PCSK6: variants seen among roughly 807,000 people sequenced by gnomAD.
PCSK6 encodes the protein proprotein convertase subtilisin/kexin type 6.
PCSK6 carries 85 observed loss-of-function variants against 123.3 expected under a neutral mutation model. That is an observed-to-expected ratio of 0.69 (90% CI 0.58 to 0.83). The LOEUF (loss-of-function observed/expected upper bound fraction) is 0.83, where lower values mean the gene tolerates loss of function less well. Ranked by LOEUF, PCSK6 falls within the 40% of genes least tolerant of loss-of-function variation. The pLI, the probability that PCSK6 is intolerant of heterozygous loss-of-function variation, is 0.00. For missense variants in PCSK6, 1,191 were observed against 1,282.3 expected (o/e 0.93, Z 1.09); for synonymous variants, 508 against 516.0 (o/e 0.98, Z 0.21).
chr15:101,409,072 T>C (rs9672469), intron 6 of PCSK6, among the ~76,000 whole-genome samples: 72,699 of 152,036 alleles, frequency 0.48, 18,770 homozygotes, highest in African/African-American at 0.68. Context: ...GAGGGCTCCC[T>C]GCGGTCTCCA....
intron 11 of PCSK6, among the ~76,000 whole-genome samples, chr15:101,374,392 G>A (rs1236514644): frequency 1.3e-5 from 2 of 152,200 alleles, no homozygotes; most frequent in East Asian, 1.9e-4. Context: ...GAAACCCTCC[G>A]CCTCAAGCTC....
chr15:101,368,257 G>A (rs12594518), intron 12 of PCSK6, among the ~76,000 whole-genome samples: 1 of 152,212 alleles, frequency 6.6e-6, no homozygotes, highest in East Asian at 1.9e-4. Flanking sequence ...AAAGTTTCCA[G>A]GGAAGGGAAA....
intron 1 of PCSK6, chr15:101,463,169 G>GGGGC: frequency 2.2e-6 from 1 of 454,286 alleles, no homozygotes; most frequent in Non-Finnish European, 4.4e-6. Context: ...ATCACACACA[G>GGGGC]GGGCCTTCTG....
rs2041377706 is a variant in PCSK6, at chr15:101,366,066, CTGTTA to C, written c.1858+125_1858+129del. 1.1e-5 allele frequency: 11 copies of C among 979,244 alleles called. No individual in the cohort carries two copies. In the East Asian group the frequency reaches 3.0e-4, roughly 27 times the overall value. The allele number at this position is 979,244 out of a possible 1,614,324, so 60.7% of individuals were successfully genotyped here. A position where few individuals can be genotyped will look rare whatever the true frequency, so the allele number is the denominator to read the frequency against. ...AAAAATAATTAAAATGGTGAATTTTCTGTTATGGGAATTCTACCTCTAAAACACAA... is the reference window on the plus strand; with the variant it reads ...AAAAATAATTAAAATGGTGAATTTTCTGGGAATTCTACCTCTAAAACACAA... On this transcript the variant is annotated intron_variant, in intron 13 of 21. Coordinates refer to ENST00000611716, the MANE Select transcript of PCSK6 (RefSeq NM_002570.5).
At chr15:101,419,034 A>G (rs563735493) in intron 6 of PCSK6, among the ~76,000 whole-genome samples, 2 of 152,362 alleles carry the variant, frequency 1.3e-5, no homozygotes, top group East Asian at 1.9e-4. Flanking sequence ...GTATTCCTGT[A>G]TAAGTCAGAA....
At chr15:101,404,575 G>A (rs923718433) in intron 6 of PCSK6, among the ~76,000 whole-genome samples, 7 of 152,196 alleles carry the variant, frequency 4.6e-5, no homozygotes, top group Admixed American at 1.3e-4. Flanking sequence ...TCACGGTAGG[G>A]GAAGAGAGTG....
At chr15:101,415,638 C>T (rs932888967) in intron 6 of PCSK6, among the ~76,000 whole-genome samples, 1 of 152,170 alleles carries the variant, frequency 6.6e-6, no homozygotes. Context: ...TATGGTTTGG[C>T]TGTGTCCCCA....
rs1196607970 is a variant in PCSK6 at position 101,398,762 on chromosome 15, C to A, written c.824-186G>T. Among the ~76,000 whole-genome samples, 4 of 152,286 alleles carry A rather than the reference C, an allele frequency of 2.6e-5. No individual in the cohort carries two copies. Among genetic ancestry groups the A allele is most frequent in the African/African-American group, 7.2e-5 (3 of 41,542 alleles). On this transcript the variant is annotated intron_variant, in intron 6 of 21. Coordinates refer to ENST00000611716, the MANE Select transcript of PCSK6 (RefSeq NM_002570.5). The surrounding 1 kb of genome is among the most constrained non-coding windows in gnomAD (Gnocchi z 4.6). ...GCTGGCTGATGTGAAAGAACTCAGG[C>A]CAGGGCAACAAAAGAAAGCAAGCTA...
At chr15:101,409,022 CG>C (rs2042860628) in intron 6 of PCSK6, among the ~76,000 whole-genome samples, 1 of 152,192 alleles carries the variant, frequency 6.6e-6, no homozygotes, top group South Asian at 2.1e-4. Flanking sequence ...CACCTATATC[CG>C]GGGGCCGGAG....
Position 101,352,137 on chromosome 15 carries a change from AT to A in PCSK6, c.1858+14058del, listed in dbSNP as rs56844456. Among the ~76,000 whole-genome samples, 768 of 97,002 alleles carry A rather than the reference AT, an allele frequency of 7.9e-3. 14 individuals are homozygous for A. Among genetic ancestry groups the A allele is most frequent in the African/African-American group, 0.03 (677 of 22,892 alleles). 63.6% of individuals were successfully genotyped at this position (97,002 alleles called of 152,430 possible). On this transcript the variant is annotated intron_variant, in intron 13 of 21. Transcript: ENST00000611716. ...AAAATATTTTATAAATATTTTTCTA[AT>A]TTTTTTTTTTTTTTTTTTTTTTTTT...
chr15:101,476,981 G>C (rs113252401), intron 1 of PCSK6, among the ~76,000 whole-genome samples: 1 of 152,104 alleles, frequency 6.6e-6, no homozygotes, highest in East Asian at 1.9e-4. Context: ...GGGAAGCAGC[G>C]CAGTGGCAGA....
chr15:101,305,473 C>T lies in PCSK6; in HGVS notation c.2813-118G>A, dbSNP rs781449780. 136 of 770,874 alleles carry T rather than the reference C, an allele frequency of 1.8e-4. No homozygotes were observed. The highest frequency in any genetic ancestry group is 2.4e-4 in the Non-Finnish European group (110 of 460,726). 47.8% of individuals were successfully genotyped at this position (770,874 alleles called of 1,614,324 possible). On this transcript the variant is annotated intron_variant, in intron 21 of 21. Coordinates refer to ENST00000611716, the MANE Select transcript of PCSK6 (RefSeq NM_002570.5). The surrounding 1 kb of genome is among the most constrained non-coding windows in gnomAD (Gnocchi z 4.8). ...CTGTAATCCCAGCACTTTGGGAGGCCGAGGTGGGTGGATCACCTGAGGTCA... is the reference window on the plus strand; with the variant it reads ...CTGTAATCCCAGCACTTTGGGAGGCTGAGGTGGGTGGATCACCTGAGGTCA...
At chr15:101,310,018 T>C (rs2039818873) in intron 20 of PCSK6, among the ~76,000 whole-genome samples, 1 of 152,230 alleles carries the variant, frequency 6.6e-6, no homozygotes, top group Non-Finnish European at 1.5e-5. Flanking sequence ...ACATGCTCCC[T>C]CGGAGCTGCC....
rs775183255 is a variant in PCSK6, at chr15:101,318,356, T to C, written c.2532A>G (p.Arg844=). ...PGTYFDSELI[R]CGECHHTCGT... ...CGCAGGTGTGATGGCATTCCCCACA[T>C]CTGATCAGCTCTGAGTCAAAGTAGG... The change falls in exon 19 of 22, where the codon AGA becomes AGG. Residue 844 remains arginine (R), a synonymous_variant. Coordinates refer to ENST00000611716, the MANE Select transcript of PCSK6 (RefSeq NM_002570.5). 1.3e-6 allele frequency: 2 copies of C among 1,565,090 alleles called. No homozygotes were observed. The highest frequency in any genetic ancestry group is 2.7e-5 in the African/African-American group (2 of 73,572).
chr15:101,373,795 A>G (rs1333852943), intron 11 of PCSK6, among the ~76,000 whole-genome samples: 1 of 152,240 alleles, frequency 6.6e-6, no homozygotes, highest in Non-Finnish European at 1.5e-5. Flanking sequence ...AACGCTGAAA[A>G]TGCAAGTCGA....
rs2898875 is a variant in PCSK6 at position 101,308,785 on chromosome 15, C to G, written c.2700-1460G>C. 635 of 152,404 alleles carry G rather than the reference C, an allele frequency of 4.2e-3. 3 individuals are homozygous for G. The highest frequency in any genetic ancestry group is 6.7e-3 in the Middle Eastern group (2 of 300). The allele number at this position is 152,404 out of a possible 1,614,324, so 9.4% of individuals were successfully genotyped here. On this transcript the variant is annotated intron_variant, in intron 20 of 21. Coordinates refer to ENST00000611716, the MANE Select transcript of PCSK6 (RefSeq NM_002570.5). ...CATTCTGGTGGCCCAGCCACCAAAC[C>G]CTGATGCCCCAGTACAGGTTATGAC...
intron 1 of PCSK6, among the ~76,000 whole-genome samples, chr15:101,467,464 G>C (rs966362323): frequency 6.6e-6 from 1 of 151,880 alleles, no homozygotes; most frequent in Non-Finnish European, 1.5e-5. Context: ...GTAGAGACAG[G>C]GTTTCACCAT....
At chr15:101,434,107 A>AT (rs1037628653) in intron 2 of PCSK6, among the ~76,000 whole-genome samples, 1 of 152,236 alleles carries the variant, frequency 6.6e-6, no homozygotes, top group African/African-American at 2.4e-5. Context: ...GGCTGATGGC[A>AT]TTTTGCAATG....
chr15:101,454,569 T>C (rs1316427596), intron 1 of PCSK6, among the ~76,000 whole-genome samples: 4 of 152,178 alleles, frequency 2.6e-5, no homozygotes, highest in Non-Finnish European at 4.4e-5. Flanking sequence ...GTACCTGGAA[T>C]GGCCAAATTC....
Sources: allele counts gnomAD v4.1 joint callset (sites outside exome capture counted in the v4.1 genomes callset), GRCh38; gene constraint gnomAD v4.1.1; non-coding constraint Gnocchi (gnomAD v3.1); transcripts MANE v1.5; gene names NCBI Gene and HGNC (gene_info 2026-07-23, HGNC 2026-07-21).